SOX30: variants seen among roughly 807,000 people sequenced by gnomAD.
SOX30 encodes the protein SRY-box transcription factor 30.
A neutral mutation model predicts 58.6 loss-of-function variants in SOX30; 17 were observed. That is an observed-to-expected ratio of 0.29 (90% CI 0.20 to 0.44). The LOEUF is 0.44. SOX30 is among the 20% of genes least tolerant of loss of function. The pLI, the probability that SOX30 is intolerant of heterozygous loss-of-function variation, is 1.00. For missense variants in SOX30, 951 were observed against 965.8 expected (o/e 0.98, Z 0.20); for synonymous variants, 421 against 400.2 (o/e 1.05, Z -0.62).
At chr5:157,629,240 C>T (rs1048095641) in intron 4 of SOX30, among the ~76,000 whole-genome samples, 1 of 152,090 alleles carries the variant, frequency 6.6e-6, no homozygotes, top group African/African-American at 2.4e-5. Flanking sequence ...ACATTTTATA[C>T]ATATTTATGA....
chr5:157,639,887 A>C (rs1325608437), intron 3 of SOX30, among the ~76,000 whole-genome samples: 1 of 152,212 alleles, frequency 6.6e-6, no homozygotes, highest in Admixed American at 6.5e-5. Flanking sequence ...TCTCCAGATA[A>C]AGCAGATAAT....
Position 157,631,264 on chromosome 5 carries a change from T to C in SOX30, c.1881-4543A>G, listed in dbSNP as rs867480662. Among the ~76,000 whole-genome samples, 3 of 151,302 alleles carry C rather than the reference T, an allele frequency of 2.0e-5. No individual in the cohort carries two copies. In the South Asian group the frequency reaches 6.2e-4, roughly 32 times the overall value. On this transcript the variant is annotated intron_variant, in intron 4 of 4. Coordinates refer to ENST00000265007, the MANE Select transcript of SOX30 (RefSeq NM_178424.2). Reference sequence around the variant, plus strand: ...ACCCAGCAACTTCCAGAGACTTGAATGATTGGTTTTTAAAAATAGTTTTCA... The same window carrying C: ...ACCCAGCAACTTCCAGAGACTTGAACGATTGGTTTTTAAAAATAGTTTTCA...
chr5:157,626,095 T>C lies in SOX30; in HGVS notation c.*245A>G, dbSNP rs184720108. On this transcript the variant is annotated 3_prime_UTR_variant, in exon 5 of 5. Transcript: ENST00000265007. ...CAGGATAAAGTAATAATAATACATGTTGATGCAAATTTCAGCCATTAAAAT... is the reference window on the plus strand; with the variant it reads ...CAGGATAAAGTAATAATAATACATGCTGATGCAAATTTCAGCCATTAAAAT... 179 of 394,818 alleles carry C rather than the reference T, an allele frequency of 4.5e-4. 1 individual carries two copies. The highest frequency in any genetic ancestry group is 1.3e-3 in the Admixed American group (31 of 24,018). The allele number at this position is 394,818 out of a possible 1,614,324, so 24.5% of individuals were successfully genotyped here. A position where few individuals can be genotyped will look rare whatever the true frequency, so the allele number is the denominator to read the frequency against.
At chr5:157,647,971 G>T (rs536819093) in intron 2 of SOX30, among the ~76,000 whole-genome samples, 3 of 152,118 alleles carry the variant, frequency 2.0e-5, no homozygotes, top group Non-Finnish European at 4.4e-5. Context: ...TGGAACTATG[G>T]CATTTGCAGC....
intron 3 of SOX30, among the ~76,000 whole-genome samples, chr5:157,646,019 CAAA>C (rs11441809): frequency 7.2e-6 from 1 of 139,332 alleles, no homozygotes. Flanking sequence ...AACTCCATCT[CAAA>C]AAAAAAAAAA....
Position 157,671,256 on chromosome 5 carries a change from C to T in SOX30, c.-4+74G>A, listed in dbSNP as rs1313510110. ...TGAGCAGCCCCACCCTGGCTCAACC[C>T]GTTACCCGCCCCGCCAGCAGGCCGG... On this transcript the variant is annotated intron_variant, in intron 1 of 5. Transcript: ENST00000519442. 3.1e-5 allele frequency: 8 copies of T among 259,544 alleles called. No individual in the cohort carries two copies. In the Admixed American group the frequency reaches 3.3e-4, roughly 11 times the overall value. 16.1% of individuals were successfully genotyped at this position (259,544 alleles called of 1,614,324 possible).
At chr5:157,631,421 G>A (rs1404320283) in intron 4 of SOX30, among the ~76,000 whole-genome samples, 1 of 152,148 alleles carries the variant, frequency 6.6e-6, no homozygotes, top group African/African-American at 2.4e-5. Context: ...GCTCTTGGGT[G>A]CAGTTAAATT....
chr5:157,667,389 T>TC (rs1240647202), intron 2 of SOX30, among the ~76,000 whole-genome samples: 5 of 152,134 alleles, frequency 3.3e-5, no homozygotes, highest in Non-Finnish European at 7.3e-5. Context: ...CTCCCTTCAT[T>TC]CCCCCACCAA....
At chr5:157,671,296 C>T (rs1759780729) in intron 1 of SOX30, 3 of 358,036 alleles carry the variant, frequency 8.4e-6, no homozygotes, top group Non-Finnish European at 1.5e-5. Context: ...ACTGCAGTCC[C>T]CACGTCGAAG....
Position 157,651,242 on chromosome 5 carries a change from C to T in SOX30, c.837G>A (p.Pro279=), listed in dbSNP as rs1014841707. ...TGGTCAATCTTATCAGCTCTGAAGG[C>T]GGAGCTCCCTGAAACTGGATCCGGG... ...PGARIQFQGA[P]PSELIRLTKV... is the part of the protein sequence containing the mutation. Residue 279 remains proline, a synonymous_variant, in exon 1 of 5, where the codon CCG becomes CCA. Transcript: ENST00000265007. 7 of 1,613,958 alleles carry T rather than the reference C, an allele frequency of 4.3e-6. No individual in the cohort carries two copies. In the African/African-American group the frequency reaches 6.7e-5, roughly 15 times the overall value.
At chr5:157,667,952 G>T in intron 1 of SOX30, 1 of 1,290,870 alleles carries the variant, frequency 7.7e-7, no homozygotes, top group Non-Finnish European at 1.1e-6. Context: ...CACTTGTCAG[G>T]CATCACGCCT....
At position 157,626,594 on chromosome 5, in the gene SOX30, A is replaced by G. The variant is rs1306410775; in HGVS notation, c.2008T>C (p.Tyr670His). The G allele has an allele frequency of 1.2e-6, 2 of 1,614,204 alleles. No homozygotes were observed. Among genetic ancestry groups the G allele is most frequent in the Non-Finnish European group, 1.7e-6 (2 of 1,180,034 alleles). ...TCACTTGAGTAGTCTCTAAAAGAATAGTCTCTATTTAAAGTTGAAAAGATA... is the reference window on the plus strand; with the variant it reads ...TCACTTGAGTAGTCTCTAAAAGAATGGTCTCTATTTAAAGTTGAAAAGATA... ...EGIFSTLNRD[Y>H]SFRDYSSECT... Residue 670 changes from tyrosine to histidine, a missense_variant, in exon 5 of 5, where the codon TAT becomes CAT. Tyr to His is a moderately conservative substitution (Grantham distance 83). Around this residue, in one of 7 missense-constraint regions of SOX30, gnomAD observed 381 missense variants for 390.0 expected, o/e 0.98. Transcript: ENST00000265007.
chr5:157,656,700 A>G (rs780876923), upstream of SOX30, among the ~76,000 whole-genome samples: 4 of 152,264 alleles, frequency 2.6e-5, no homozygotes, highest in African/African-American at 4.8e-5. Context: ...GTGTAAGGAA[A>G]GTGAAATGTG....
upstream of SOX30, among the ~76,000 whole-genome samples, chr5:157,653,863 A>G (rs939660699): frequency 1.3e-5 from 2 of 152,168 alleles, no homozygotes; most frequent in African/African-American, 4.8e-5. Context: ...CATTATACCC[A>G]TAAAAACTAT....
intron 3 of SOX30, among the ~76,000 whole-genome samples, chr5:157,640,467 T>A (rs988857796): frequency 1.3e-5 from 2 of 151,966 alleles, no homozygotes; most frequent in Non-Finnish European, 2.9e-5. Flanking sequence ...GCGGGGATCA[T>A]CTCACCTTCA....
chr5:157,650,833 G>A (rs1759311024), intron 1 of SOX30, among the ~76,000 whole-genome samples: 1 of 152,160 alleles, frequency 6.6e-6, no homozygotes, highest in South Asian at 2.1e-4. Context: ...GCGCTGTCTA[G>A]CAAGAATATT....
chr5:157,637,957 G>C (rs151325839), intron 4 of SOX30, among the ~76,000 whole-genome samples: 12 of 152,222 alleles, frequency 7.9e-5, no homozygotes, highest in Admixed American at 2.0e-4. Flanking sequence ...GCCTCCCAAA[G>C]TGCTGGAATT....
At chr5:157,627,651 TG>T (rs1199338334) in intron 4 of SOX30, among the ~76,000 whole-genome samples, 12 of 152,332 alleles carry the variant, frequency 7.9e-5, no homozygotes, top group Admixed American at 5.2e-4. Flanking sequence ...AAACATTTTT[TG>T]GAGGGCAGGA....
In SOX30 at chr5:157,648,870, C is replaced by T. The variant is rs750492926; in HGVS notation, c.994G>A (p.Asp332Asn). ...GGTCGCTTCACATGACCATTTCTGT[C>T]CTTACTGAAGGGAGTATCTGGTATG... Reference protein sequence around the residue: ...AGIPDTPFSKDRNGHVKRPMN... With the variant: ...AGIPDTPFSKNRNGHVKRPMN... Residue 332 changes from aspartate to asparagine, a missense_variant, in exon 2 of 5, where the codon GAC (aspartate) becomes AAC (asparagine). Asp to Asn is a conservative substitution (Grantham distance 23, BLOSUM62 1). This residue lies in a region of SOX30 where 60 missense variants were observed against 74.0 expected (regional missense o/e 0.81). Coordinates refer to ENST00000265007, the MANE Select transcript of SOX30 (RefSeq NM_178424.2). The T allele has an allele frequency of 6.2e-7, 1 of 1,610,482 alleles. No individual in the cohort carries two copies. The highest frequency in any genetic ancestry group is 2.2e-5 in the East Asian group (1 of 44,820).
Sources: allele counts gnomAD v4.1 joint callset (sites outside exome capture counted in the v4.1 genomes callset), GRCh38; gene constraint gnomAD v4.1.1; regional missense constraint gnomAD v4.1.1; transcripts MANE v1.5; gene names NCBI Gene and HGNC (gene_info 2026-07-23, HGNC 2026-07-21).